The following TRAF3 variants were observed in gnomAD, a reference collection of about 807,000 sequenced individuals.
TRAF3 encodes TNF receptor-associated factor 3.
A neutral mutation model predicts 62.3 loss-of-function variants in TRAF3; 13 were observed. The ratio of observed to expected loss-of-function variants is 0.21; its 90% CI spans 0.14 to 0.33. The LOEUF (loss-of-function observed/expected upper bound fraction) is 0.33, where lower values mean the gene tolerates loss of function less well. Ranked by LOEUF, TRAF3 falls within the 10% of genes least tolerant of loss-of-function variation. TRAF3 has a pLI of 1.00. For missense variants in TRAF3, 440 were observed against 741.8 expected (o/e 0.59, Z 4.73); for synonymous variants, 269 against 283.4 (o/e 0.95, Z 0.51).
chr14:102,870,648 C>T (rs1248435868), intron 3 of TRAF3, among the ~76,000 whole-genome samples: 1 of 152,190 alleles, frequency 6.6e-6, no homozygotes, highest in Non-Finnish European at 1.5e-5. Context: ...CTCTGCGTGT[C>T]TCTGACCTGC....
At chr14:102,892,966 T>C (rs1028203258) in intron 9 of TRAF3, among the ~76,000 whole-genome samples, 1 of 151,448 alleles carries the variant, frequency 6.6e-6, no homozygotes, top group Non-Finnish European at 1.5e-5. Flanking sequence ...CTAGGAATCT[T>C]TTTTTTCCCT....
chr14:102,791,784 T>G (rs780934391), intron 1 of TRAF3, among the ~76,000 whole-genome samples: 1 of 152,026 alleles, frequency 6.6e-6, no homozygotes, highest in Non-Finnish European at 1.5e-5. Flanking sequence ...CACCATTGAT[T>G]ATGAAGTTAG....
chr14:102,820,746 C>T (rs745712282), intron 1 of TRAF3, among the ~76,000 whole-genome samples: 10 of 148,380 alleles, frequency 6.7e-5, no homozygotes, highest in Non-Finnish European at 1.3e-4. Context: ...TCCCCCACCT[C>T]AGCCTCTTGA....
chr14:102,804,887 A>G (rs1232035406), intron 1 of TRAF3, among the ~76,000 whole-genome samples: 3 of 152,210 alleles, frequency 2.0e-5, no homozygotes, highest in Non-Finnish European at 4.4e-5. Context: ...TAATATTACA[A>G]ACTTCTAAAA....
chr14:102,881,929 A>G (rs539610024), intron 6 of TRAF3, among the ~76,000 whole-genome samples: 5 of 152,342 alleles, frequency 3.3e-5, no homozygotes, highest in Admixed American at 3.3e-4. Flanking sequence ...GTTTAAGCAC[A>G]AGCATATAGA....
chr14:102,815,418 A>G (rs1051709036), intron 1 of TRAF3, among the ~76,000 whole-genome samples: 1 of 152,050 alleles, frequency 6.6e-6, no homozygotes, highest in African/African-American at 2.4e-5. Context: ...TGCAGTGCTT[A>G]TCCATAGCCA....
chr14:102,830,787 G>C (rs977583365), intron 2 of TRAF3, among the ~76,000 whole-genome samples: 6 of 152,164 alleles, frequency 3.9e-5, no homozygotes, highest in African/African-American at 1.4e-4. Context: ...GTGGTATTCT[G>C]TGTTCTTACA....
intron 2 of TRAF3, among the ~76,000 whole-genome samples, chr14:102,837,119 TG>T (rs573920858): frequency 0.36 from 51,102 of 141,408 alleles, 11,394 homozygotes; most frequent in African/African-American, 0.68. Flanking sequence ...GCAAGTAATT[TG>T]TGTGTGTGTG....
intron 2 of TRAF3, among the ~76,000 whole-genome samples, chr14:102,863,023 A>G (rs2059080900): frequency 6.6e-6 from 1 of 152,012 alleles, no homozygotes; most frequent in Non-Finnish European, 1.5e-5. Flanking sequence ...GATCTTGTAG[A>G]TTTTTGAACA....
chr14:102,909,947 A>G lies in TRAF3; in HGVS notation c.*4163A>G, dbSNP rs1441796767. On this transcript the variant is annotated 3_prime_UTR_variant, in exon 12 of 12. Coordinates refer to ENST00000392745, the MANE Select transcript of TRAF3 (RefSeq NM_145725.3). ...GGGAGTCTGGATGGGTCCTTAAACGACCATTCTGTCCGCAGCGGGGTCATT... is the reference window on the plus strand; with the variant it reads ...GGGAGTCTGGATGGGTCCTTAAACGGCCATTCTGTCCGCAGCGGGGTCATT... The G allele has an allele frequency of 3.3e-5, 5 of 152,178 alleles. No homozygotes were observed. Among genetic ancestry groups the G allele is most frequent in the African/African-American group, 1.2e-4 (5 of 41,414 alleles). 9.4% of individuals were successfully genotyped at this position (152,178 alleles called of 1,614,324 possible).
chr14:102,875,540 T>C, intron 4 of TRAF3, 84 bp from the exon 5 acceptor site: 1 of 1,156,284 alleles, frequency 8.6e-7, no homozygotes, highest in Non-Finnish European at 1.3e-6. Flanking sequence ...TTTTTTTTTT[T>C]AAGTGGTTTT....
rs1889606444 is a variant in TRAF3, at chr14:102,889,780, A to G, written c.726+146A>G. On this transcript the variant is annotated intron_variant, in intron 8 of 11. Coordinates refer to ENST00000392745, the MANE Select transcript of TRAF3 (RefSeq NM_145725.3). ...CCCTGTTGCATGGGTGACGAAAGCC[A>G]CATGCAGCAGGTGGGATGCTCGCTT... The G allele has an allele frequency of 5.1e-6, 5 of 972,362 alleles. No individual in the cohort carries two copies. The Admixed American group carries it at 9.7e-5, about 19-fold the overall frequency. The allele number at this position is 972,362 out of a possible 1,614,324, so 60.2% of individuals were successfully genotyped here. A position where few individuals can be genotyped will look rare whatever the true frequency, so the allele number is the denominator to read the frequency against.
At chr14:102,875,427 T>C (rs1424807547) in intron 4 of TRAF3, among the ~76,000 whole-genome samples, 197 bp from the exon 5 acceptor site, 1 of 152,214 alleles carries the variant, frequency 6.6e-6, no homozygotes, top group Non-Finnish European at 1.5e-5. Flanking sequence ...GTTAATGTTA[T>C]TTAAATTGTG....
intron 1 of TRAF3, among the ~76,000 whole-genome samples, chr14:102,817,787 GA>G (rs1248325305): frequency 6.6e-6 from 1 of 152,228 alleles, no homozygotes; most frequent in South Asian, 2.1e-4. Flanking sequence ...GTACTTTGGT[GA>G]AAAAGTTTGA....
intron 10 of TRAF3, among the ~76,000 whole-genome samples, chr14:102,899,623 A>G (rs1396453188): frequency 6.6e-6 from 1 of 151,982 alleles, no homozygotes; most frequent in Non-Finnish European, 1.5e-5. Context: ...TCCTCCAGCC[A>G]TGTTTGTGGA....
At chr14:102,800,992 C>G (rs1177995644) in intron 1 of TRAF3, among the ~76,000 whole-genome samples, 1 of 151,956 alleles carries the variant, frequency 6.6e-6, no homozygotes, top group Non-Finnish European at 1.5e-5. Flanking sequence ...CGGTGAAACC[C>G]CGTCTCTACT....
chr14:102,812,876 G>A (rs538957120), intron 1 of TRAF3, among the ~76,000 whole-genome samples: 5 of 151,866 alleles, frequency 3.3e-5, no homozygotes, highest in African/African-American at 7.2e-5. Flanking sequence ...CCGAGATAGC[G>A]CCACTGCAGT....
chr14:102,858,296 T>TAC (rs954192323), intron 2 of TRAF3, among the ~76,000 whole-genome samples: 2 of 152,030 alleles, frequency 1.3e-5, no homozygotes. Flanking sequence ...GGCTTACAGG[T>TAC]ACGCACCACC....
At chr14:102,857,120 G>T (rs150005050) in intron 2 of TRAF3, among the ~76,000 whole-genome samples, 2,733 of 152,252 alleles carry the variant, frequency 0.018, 31 homozygotes, top group African/African-American at 0.02. Context: ...GATACATCGG[G>T]TTGCTAGCCG....
Sources: allele counts gnomAD v4.1 joint callset (sites outside exome capture counted in the v4.1 genomes callset), GRCh38; gene constraint gnomAD v4.1.1; transcripts MANE v1.5; gene names NCBI Gene and HGNC (gene_info 2026-07-23, HGNC 2026-07-21).